Variants in SWT1 observed in about 807,000 individuals in gnomAD.
SWT1 encodes the protein SWT1 RNA endoribonuclease homolog.
A neutral mutation model predicts 107.3 loss-of-function variants in SWT1; 33 were observed. The observed-to-expected ratio is 0.31, with a 90% CI of 0.23 to 0.41. SWT1 has a LOEUF of 0.41. Ranked by LOEUF, SWT1 falls within the 10% of genes least tolerant of loss-of-function variation. The pLI, the probability that SWT1 is intolerant of heterozygous loss-of-function variation, is 1.00. For missense variants in SWT1, 898 were observed against 1,028.9 expected (o/e 0.87, Z 1.74); for synonymous variants, 345 against 348.3 (o/e 0.99, Z 0.11).
At chr1:185,176,646 C>T in intron 5 of SWT1, 1 of 985,334 alleles carries the variant, frequency 1.0e-6, no homozygotes, top group Non-Finnish European at 1.2e-6. Flanking sequence ...GTAGAGACCA[C>T]TGATAAACAG....
chr1:185,240,003 G>C (rs1238960325), intron 16 of SWT1, among the ~76,000 whole-genome samples: 2 of 152,014 alleles, frequency 1.3e-5, no homozygotes, highest in Non-Finnish European at 2.9e-5. Context: ...AACAGGTCAT[G>C]TAATCCAACT....
At chr1:185,232,189 T>G (rs1401354575) in intron 16 of SWT1, among the ~76,000 whole-genome samples, 1 of 152,192 alleles carries the variant, frequency 6.6e-6, no homozygotes, top group Non-Finnish European at 1.5e-5. Context: ...CTGCCACCCT[T>G]AAGTTATTAA....
intron 10 of SWT1, among the ~76,000 whole-genome samples, chr1:185,201,671 C>G (rs1211049004): frequency 1.3e-5 from 2 of 152,200 alleles, no homozygotes; most frequent in Non-Finnish European, 2.9e-5. Context: ...TAGCTGGGAG[C>G]TGCAGACTGG....
chr1:185,279,600 G>T (rs1421220688), intron 18 of SWT1, among the ~76,000 whole-genome samples: 3 of 151,734 alleles, frequency 2.0e-5, no homozygotes, highest in South Asian at 2.1e-4. Context: ...GATCTTTTGG[G>T]TTTTTTGTGA....
intron 5 of SWT1, among the ~76,000 whole-genome samples, chr1:185,179,006 C>T (rs893225050): frequency 7.2e-5 from 11 of 152,136 alleles, no homozygotes; most frequent in African/African-American, 1.2e-4. Context: ...CGCAGTGGCT[C>T]GTGCCTATAA....
At chr1:185,246,680 G>A (rs575173682) in intron 16 of SWT1, among the ~76,000 whole-genome samples, 5 of 138,920 alleles carry the variant, frequency 3.6e-5, no homozygotes, top group South Asian at 2.3e-4. Flanking sequence ...TCCAGGCTAC[G>A]GTGCAGTTGT....
chr1:185,170,575 G>A (rs180752387), intron 4 of SWT1, among the ~76,000 whole-genome samples: 261 of 152,300 alleles, frequency 1.7e-3, no homozygotes, highest in African/African-American at 6.0e-3. Context: ...TCCCACACAG[G>A]AGGCCACATC....
At chr1:185,279,367 T>A (rs1237187233) in intron 18 of SWT1, among the ~76,000 whole-genome samples, 1 of 152,172 alleles carries the variant, frequency 6.6e-6, no homozygotes, top group Non-Finnish European at 1.5e-5. Context: ...TGGGGGAAGT[T>A]CAGGAGTCAG....
At chr1:185,196,164 T>A (rs957078275) in intron 10 of SWT1, among the ~76,000 whole-genome samples, 3 of 152,192 alleles carry the variant, frequency 2.0e-5, no homozygotes, top group Non-Finnish European at 2.9e-5. Flanking sequence ...TGAGTTAATT[T>A]TTGTGTAAGG....
rs1349446152 is a variant in SWT1, at chr1:185,252,963, G to T, written c.2442-18360G>T. 1.8e-4 allele frequency among the ~76,000 whole-genome samples: 26 copies of T among 142,464 alleles called. No homozygotes were observed. In the East Asian group the frequency reaches 4.0e-3, roughly 22 times the overall value. The allele number at this position is 142,464 out of a possible 152,430, so 93.5% of individuals were successfully genotyped here. ...CCATCTTGAATTGATTTTTGTATAA[G>T]GTGTAAGGAAGGGATCCAGTTTCAG... On this transcript the variant is annotated intron_variant, in intron 16 of 18. Transcript: ENST00000367500.
At chr1:185,282,363 T>A (rs1664684266) in intron 18 of SWT1, among the ~76,000 whole-genome samples, 1 of 150,610 alleles carries the variant, frequency 6.6e-6, no homozygotes, top group African/African-American at 2.5e-5. Context: ...AAGACACAAT[T>A]AAATGGTTTG....
chr1:185,256,645 C>G (rs571031052), intron 16 of SWT1, among the ~76,000 whole-genome samples: 85 of 147,076 alleles, frequency 5.8e-4, no homozygotes, highest in African/African-American at 2.0e-3. Flanking sequence ...CTCCTTTAAG[C>G]ACTTCTCTGT....
chr1:185,269,601 A>G (rs1192478760), intron 16 of SWT1, among the ~76,000 whole-genome samples: 1 of 152,170 alleles, frequency 6.6e-6, no homozygotes, highest in Non-Finnish European at 1.5e-5. Flanking sequence ...ATTATTGAGA[A>G]CAGTTAATTA....
intron 11 of SWT1, among the ~76,000 whole-genome samples, chr1:185,204,159 T>G (rs1658112576): frequency 6.6e-6 from 1 of 152,178 alleles, no homozygotes; most frequent in Non-Finnish European, 1.5e-5. Context: ...ATTCCGTTTT[T>G]GCCAGCTACT....
At chr1:185,283,303 TC>T (rs1251980951) in intron 18 of SWT1, among the ~76,000 whole-genome samples, 1 of 152,222 alleles carries the variant, frequency 6.6e-6, no homozygotes, top group Non-Finnish European at 1.5e-5. Flanking sequence ...GTTTTTAGAC[TC>T]TTTGAAGTAG....
At chr1:185,258,095 T>A (rs1662747394) in intron 16 of SWT1, 1 of 152,214 alleles carries the variant, frequency 6.6e-6, no homozygotes, top group South Asian at 2.1e-4. Context: ...TTGTTAGTTT[T>A]TCTAATTCTC....
chr1:185,224,082 GT>G (rs1271421472), intron 15 of SWT1, among the ~76,000 whole-genome samples: 4 of 152,132 alleles, frequency 2.6e-5, no homozygotes, highest in African/African-American at 9.7e-5. Flanking sequence ...GTTGAATTAA[GT>G]TTCTTACATA....
At chr1:185,176,444 C>A in intron 5 of SWT1, 1 of 405,620 alleles carries the variant, frequency 2.5e-6, no homozygotes, top group Non-Finnish European at 3.3e-6. Flanking sequence ...GCTACATGAG[C>A]AGGGATCTAG....
chr1:185,226,572 A>G (rs1450076985), intron 15 of SWT1, among the ~76,000 whole-genome samples: 2 of 152,128 alleles, frequency 1.3e-5, no homozygotes, highest in African/African-American at 4.8e-5. Flanking sequence ...CCTCTCTTTA[A>G]AAATCAGTTG....
Sources: allele counts gnomAD v4.1 joint callset (sites outside exome capture counted in the v4.1 genomes callset), GRCh38; gene constraint gnomAD v4.1.1; transcripts MANE v1.5; gene names NCBI Gene and HGNC (gene_info 2026-07-23, HGNC 2026-07-21).